DMXL1: variants seen among roughly 807,000 people sequenced by gnomAD.
The protein encoded by DMXL1 is dmX-like protein 1.
A neutral mutation model predicts 319.2 loss-of-function variants in DMXL1; 99 were observed. The observed-to-expected ratio is 0.31, with a 90% CI of 0.26 to 0.37. The LOEUF (loss-of-function observed/expected upper bound fraction) is 0.37, where lower values mean the gene tolerates loss of function less well. Among genes scored for constraint, DMXL1 ranks in the 10% least tolerant of loss-of-function variants. The pLI, the probability that DMXL1 is intolerant of heterozygous loss-of-function variation, is 1.00. For missense variants in DMXL1, 3,745 were observed against 3,595.6 expected, an observed-to-expected ratio of 1.04 and a Z score of -1.06; for synonymous variants, 1,385 against 1,235.2, an observed-to-expected ratio of 1.12 and a Z score of -2.54.
intron 10 of DMXL1, among the ~76,000 whole-genome samples, chr5:119,132,143 T>A (rs1390102163): frequency 1.3e-5 from 2 of 152,160 alleles, no homozygotes; most frequent in Non-Finnish European, 2.9e-5. Context: ...CTGTGATAGA[T>A]TGAACCATTC....
intron 5 of DMXL1, among the ~76,000 whole-genome samples, chr5:119,111,299 A>C (rs1334786309): frequency 6.6e-6 from 1 of 152,204 alleles, no homozygotes; most frequent in East Asian, 1.9e-4. Context: ...GTTATTATTG[A>C]GCACTTGAAA....
chr5:119,152,223 G>A (rs1390394825), intron 19 of DMXL1, among the ~76,000 whole-genome samples, 187 bp downstream of exon 19: 1 of 152,054 alleles, frequency 6.6e-6, no homozygotes, highest in African/African-American at 2.4e-5. Flanking sequence ...ATTTTTAATG[G>A]TAGGCAAAAG....
chr5:119,165,672 A>G (rs1478628136), intron 21 of DMXL1, among the ~76,000 whole-genome samples: 2 of 152,244 alleles, frequency 1.3e-5, no homozygotes. Flanking sequence ...AGGCCTCACA[A>G]TCATGGCACA....
At chr5:119,154,447 A>G (rs1770554100) in intron 19 of DMXL1, among the ~76,000 whole-genome samples, 1 of 152,262 alleles carries the variant, frequency 6.6e-6, no homozygotes, top group African/African-American at 2.4e-5. Flanking sequence ...TGAGTGGTCT[A>G]GATGGATCGA....
At chr5:119,168,307 G>T (rs1216046544) in intron 23 of DMXL1, among the ~76,000 whole-genome samples, 1 of 152,174 alleles carries the variant, frequency 6.6e-6, no homozygotes, top group Non-Finnish European at 1.5e-5. Context: ...TGAACTGGTA[G>T]AGCTTATGTA....
At chr5:119,127,661 A>T (rs1035158147) in intron 9 of DMXL1, 28 of 172,488 alleles carry the variant, frequency 1.6e-4, no homozygotes, top group African/African-American at 6.3e-4. Flanking sequence ...CTGGTCTCGA[A>T]CCCCTGGCCT....
At chr5:119,146,179 TG>T in intron 15 of DMXL1, among the ~76,000 whole-genome samples, 2 of 152,080 alleles carry the variant, frequency 1.3e-5, no homozygotes, top group Middle Eastern at 6.8e-3. Flanking sequence ...CGATTTATTT[TG>T]TTTTTATAAT....
intron 34 of DMXL1, among the ~76,000 whole-genome samples, chr5:119,213,813 G>C (rs1783209299): frequency 1.3e-5 from 2 of 152,138 alleles, no homozygotes; most frequent in Admixed American, 1.3e-4. Context: ...ACTAAATTTA[G>C]TAGTCAATTA....
chr5:119,210,756 C>CA (rs1205202596), intron 34 of DMXL1, among the ~76,000 whole-genome samples: 1 of 65,968 alleles, frequency 1.5e-5, no homozygotes, highest in Admixed American at 1.7e-4. Flanking sequence ...TTTTTTCTTT[C>CA]GTTTTTTTTT....
chr5:119,224,835 A>G (rs1785246152), intron 38 of DMXL1, 66 bp downstream of exon 38: 3 of 721,486 alleles, frequency 4.2e-6, no homozygotes, highest in South Asian at 4.4e-5. Context: ...TAATTTTATT[A>G]TAAGAAATGT....
At position 119,170,840 on chromosome 5, in the gene DMXL1, T is replaced by C; in HGVS notation, c.6049T>C (p.Leu2017=). Residue 2017 remains leucine (L), a synonymous_variant, in exon 24 of 44, where the codon TTA becomes CTA. Coordinates refer to ENST00000539542, the MANE Select transcript of DMXL1 (RefSeq NM_001290321.3). ...CAGCACACTAGATGAAAATGACCTT[T>C]TAAATCCATCAGAAGATATAATTGC... is the stretch of plus-strand genomic sequence containing the variant. ...SFSTLDENDL[L]NPSEDIIAVQ... 1 of 1,612,196 alleles carries C rather than the reference T, an allele frequency of 6.2e-7. No homozygotes were observed. The highest frequency in any genetic ancestry group is 2.2e-5 in the East Asian group (1 of 44,834).
chr5:119,109,345 C>T (rs1759059424), intron 4 of DMXL1, among the ~76,000 whole-genome samples: 1 of 152,092 alleles, frequency 6.6e-6, no homozygotes, highest in Non-Finnish European at 1.5e-5. Flanking sequence ...ACTCACAGGC[C>T]TCTCCATCTG....
rs1186461052 is a variant in DMXL1 at position 119,182,242 on chromosome 5, T to A, written c.7135+3998T>A. 2.0e-5 allele frequency among the ~76,000 whole-genome samples: 3 copies of A among 152,338 alleles called. No individual in the cohort carries two copies. The East Asian group carries it at 5.8e-4, about 29-fold the overall frequency. ...GAATCCAGTTAAAATTAATGTGTAT[T>A]TAAAATTTTTTATCTTTTAAATTTG... On this transcript the variant is annotated intron_variant, in intron 28 of 43. Coordinates refer to ENST00000539542, the MANE Select transcript of DMXL1 (RefSeq NM_001290321.3).
chr5:119,242,593 G>T (rs1004949108), intron 42 of DMXL1, among the ~76,000 whole-genome samples: 5 of 152,138 alleles, frequency 3.3e-5, no homozygotes, highest in African/African-American at 4.8e-5. Flanking sequence ...ATGCTACTTT[G>T]CAGATATCAA....
intron 5 of DMXL1, among the ~76,000 whole-genome samples, chr5:119,111,026 T>C (rs1234980299): frequency 6.6e-6 from 1 of 152,126 alleles, no homozygotes; most frequent in Non-Finnish European, 1.5e-5. Context: ...TGACCTCAGG[T>C]GATCTGCCCG....
At chr5:119,105,326 C>G (rs929827619) in intron 4 of DMXL1, 68 bp downstream of exon 4, 49 of 1,256,634 alleles carry the variant, frequency 3.9e-5, no homozygotes, top group Middle Eastern at 3.8e-4. Context: ...TTTTATTACT[C>G]TTATGTATTT....
intron 4 of DMXL1, among the ~76,000 whole-genome samples, chr5:119,109,004 T>G (rs1313900991): frequency 2.0e-5 from 3 of 151,870 alleles, no homozygotes; most frequent in Non-Finnish European, 4.4e-5. Flanking sequence ...TTTCTCCATG[T>G]TGGTCAGGTT....
intron 34 of DMXL1, among the ~76,000 whole-genome samples, chr5:119,213,010 C>T (rs1484598262): frequency 6.6e-6 from 1 of 152,152 alleles, no homozygotes; most frequent in African/African-American, 2.4e-5. Flanking sequence ...TGCCTGCACT[C>T]AAGCAGCTGA....
In DMXL1 at chr5:119,192,296, T is replaced by C. The variant is rs550737743; in HGVS notation, c.7315-1532T>C. ...ACCTTTTCTCGAGTTTTACTCTGAA[T>C]TGCATTCTTTCTTTTCTTCTCTACT... On this transcript the variant is annotated intron_variant, in intron 29 of 43. Coordinates refer to ENST00000539542, the MANE Select transcript of DMXL1 (RefSeq NM_001290321.3). Among the ~76,000 whole-genome samples, 131 of 152,310 alleles carry C rather than the reference T, an allele frequency of 8.6e-4. 1 individual carries two copies. Among genetic ancestry groups the C allele is most frequent in the African/African-American group, 3.1e-3 (129 of 41,564 alleles).
Sources: allele counts gnomAD v4.1 joint callset (sites outside exome capture counted in the v4.1 genomes callset), GRCh38; gene constraint gnomAD v4.1.1; transcripts MANE v1.5; gene names NCBI Gene and HGNC (gene_info 2026-07-23, HGNC 2026-07-21).